Variants in KIAA0513 observed in about 807,000 individuals in gnomAD.
The protein encoded by KIAA0513 is KIAA0513, also known as uncharacterized protein KIAA0513.
Under a neutral mutation model 56.5 loss-of-function variants are expected in KIAA0513, and 39 were observed. The ratio of observed to expected loss-of-function variants is 0.69; its 90% CI spans 0.53 to 0.90. The LOEUF (loss-of-function observed/expected upper bound fraction) is 0.90, where lower values mean the gene tolerates loss of function less well. KIAA0513 is among the 40% of genes least tolerant of loss of function. KIAA0513 has a pLI of 0.00. For missense variants in KIAA0513, 591 were observed against 535.2 expected, an observed-to-expected ratio of 1.10 and a Z score of -1.03; for synonymous variants, 268 against 215.6, an observed-to-expected ratio of 1.24 and a Z score of -2.13.
chr16:85,040,899 C>G (rs1257313386), intron 1 of KIAA0513, among the ~76,000 whole-genome samples: 2 of 152,196 alleles, frequency 1.3e-5, no homozygotes, highest in East Asian at 3.9e-4. Context: ...ACGCTTGAAG[C>G]AAAACAGCCG....
In KIAA0513 at chr16:85,046,104, C is replaced by T. The variant is rs990085680; in HGVS notation, c.-173+18246C>T. Among the ~76,000 whole-genome samples, 7 of 152,296 alleles carry T rather than the reference C, an allele frequency of 4.6e-5. No homozygotes were observed. In the East Asian group the frequency reaches 7.7e-4, roughly 17 times the overall value. On this transcript the variant is annotated intron_variant, in intron 1 of 12. Transcript: ENST00000683363. ...GCTTTGCACATTGAGGGAGCTGCTT[C>T]GGCCCTTCCCTTGGTCTCTGGCTGT...
At chr16:85,061,919 T>C (rs1055787530) in intron 1 of KIAA0513, among the ~76,000 whole-genome samples, 1 of 152,170 alleles carries the variant, frequency 6.6e-6, no homozygotes, top group African/African-American at 2.4e-5. Context: ...CCCGGCCTCA[T>C]TGGCCTTCCC....
intron 1 of KIAA0513, among the ~76,000 whole-genome samples, chr16:85,059,332 G>T (rs2073371783): frequency 6.6e-6 from 1 of 152,180 alleles, no homozygotes; most frequent in Admixed American, 6.5e-5. Flanking sequence ...GGTGTTCTGG[G>T]GGTGCCCTGG....
intron 8 of KIAA0513, 111 bp downstream of exon 8, chr16:85,079,114 C>A: frequency 1.3e-6 from 2 of 1,572,762 alleles, no homozygotes; most frequent in South Asian, 1.1e-5. Flanking sequence ...AGAATTCTCA[C>A]ACTCACCAGA....
intron 10 of KIAA0513, among the ~76,000 whole-genome samples, chr16:85,083,015 A>C (rs989679044): frequency 6.6e-6 from 1 of 152,214 alleles, no homozygotes; most frequent in Non-Finnish European, 1.5e-5. Flanking sequence ...TTCACACTGG[A>C]GAAGTGGGTC....
intron 1 of KIAA0513, among the ~76,000 whole-genome samples, chr16:85,033,272 G>A (rs113957754): frequency 8.6e-4 from 131 of 152,276 alleles, no homozygotes; most frequent in African/African-American, 3.1e-3. Context: ...TGATTGCAGA[G>A]CCCACAACAT....
chr16:85,049,062 C>G (rs1049141694), intron 1 of KIAA0513, among the ~76,000 whole-genome samples: 1 of 152,240 alleles, frequency 6.6e-6, no homozygotes, highest in African/African-American at 2.4e-5. Context: ...TGTGAGGTTG[C>G]TTTGCACGGT....
At chr16:85,072,801 C>A (rs2073597431) in intron 3 of KIAA0513, 124 bp from the exon 4 acceptor site, 1 of 917,212 alleles carries the variant, frequency 1.1e-6, no homozygotes, top group Admixed American at 1.9e-5. Flanking sequence ...GCAGAGGCAG[C>A]AGACATCCTG....
In KIAA0513 at chr16:85,092,049, TCTC is replaced by T. The variant is rs2073874130; in HGVS notation, c.*3727_*3729del. The T allele has an allele frequency of 6.6e-6, 1 of 151,636 alleles. No homozygotes were observed. Among genetic ancestry groups the T allele is most frequent in the Non-Finnish European group, 1.5e-5 (1 of 67,986 alleles). The allele number at this position is 151,636 out of a possible 1,614,324, so 9.4% of individuals were successfully genotyped here. ...CCTCCACCTCCCGGGTTCAAGCAATTCTCCTGCCTCAGCCTCCTGAGTAGCTGG... is the reference window on the plus strand; with the variant it reads ...CCTCCACCTCCCGGGTTCAAGCAATTCTGCCTCAGCCTCCTGAGTAGCTGG... On this transcript the variant is annotated 3_prime_UTR_variant, in exon 13 of 13. Coordinates refer to ENST00000683363, the MANE Select transcript of KIAA0513 (RefSeq NM_001388359.1).
In KIAA0513 at chr16:85,077,604, C is replaced by T. The variant is rs1469921145; in HGVS notation, c.754C>T (p.Leu252=). 13 of 1,613,226 alleles carry T rather than the reference C, an allele frequency of 8.1e-6. No homozygotes were observed. Among genetic ancestry groups the T allele is most frequent in the East Asian group, 2.2e-5 (1 of 44,864 alleles). ...CTTCTTCGGGGGGCTGGAGACCAAG[C>T]TGAAGGGGCCCCTGGCCAGGAGGAA... The part of the protein sequence containing the change: ...KGFFGGLETK[L]KGPLARRNEE... The change falls in exon 6 of 13, where the codon CTG becomes TTG. Residue 252 remains leucine (L), a synonymous_variant. Transcript: ENST00000683363.
chr16:85,041,538 C>G (rs1215965947), intron 1 of KIAA0513, among the ~76,000 whole-genome samples: 1 of 152,184 alleles, frequency 6.6e-6, no homozygotes, highest in African/African-American at 2.4e-5. Context: ...TAGGATTTAT[C>G]ACAGTTCCAG....
intron 8 of KIAA0513, among the ~76,000 whole-genome samples, chr16:85,080,057 G>C (rs557394126): frequency 1.3e-5 from 2 of 152,316 alleles, no homozygotes; most frequent in Admixed American, 1.3e-4. Context: ...AACCAAGCAA[G>C]GGTTACTTGA....
chr16:85,055,756 C>G (rs921670825), intron 1 of KIAA0513, among the ~76,000 whole-genome samples: 6 of 152,210 alleles, frequency 3.9e-5, no homozygotes, highest in African/African-American at 7.2e-5. Flanking sequence ...TCTCACCTCT[C>G]CCCCAGCCTG....
At chr16:85,056,675 C>G (rs1197548002) in intron 1 of KIAA0513, among the ~76,000 whole-genome samples, 1 of 152,188 alleles carries the variant, frequency 6.6e-6, no homozygotes, top group South Asian at 2.1e-4. Context: ...CTGGCCCCCT[C>G]TGCTCAATTG....
chr16:85,065,777 C>T (rs946028252), intron 1 of KIAA0513, among the ~76,000 whole-genome samples: 2 of 152,172 alleles, frequency 1.3e-5, no homozygotes, highest in African/African-American at 4.8e-5. Flanking sequence ...CGTCTCCTTC[C>T]CGCCTAGCTG....
intron 1 of KIAA0513, among the ~76,000 whole-genome samples, chr16:85,062,024 C>T (rs1047957628): frequency 6.6e-6 from 1 of 152,152 alleles, no homozygotes; most frequent in African/African-American, 2.4e-5. Context: ...TGCTGGTTCT[C>T]CCTCTTTCCA....
At chr16:85,055,496 T>C (rs1025635941) in intron 1 of KIAA0513, among the ~76,000 whole-genome samples, 1 of 152,254 alleles carries the variant, frequency 6.6e-6, no homozygotes, top group African/African-American at 2.4e-5. Context: ...TAAAACTCAG[T>C]GTACTGTTCT....
chr16:85,086,607 A>C (rs374370944), intron 10 of KIAA0513, 37 bp from the exon 11 acceptor site: 2 of 1,595,258 alleles, frequency 1.3e-6, no homozygotes, highest in African/African-American at 2.7e-5. Context: ...GGACAGCACC[A>C]TCTGAGCCCC....
In KIAA0513 at chr16:85,086,677, C is replaced by G; in HGVS notation, c.1044C>G (p.Arg348=). ...GGTGCCACATGACCCAGGAGGAGCG[C>G]GACGACAGCCTCCGGTTCAACGAGA... is the stretch of plus-strand genomic sequence containing the variant. ...EKWCHMTQEE[R]DDSLRFNENI... Residue 348 remains arginine (R), a synonymous_variant, in exon 11 of 13, where the codon CGC becomes CGG. Coordinates refer to ENST00000683363, the MANE Select transcript of KIAA0513 (RefSeq NM_001388359.1). 6.2e-7 allele frequency: 1 copy of G among 1,613,840 alleles called. No homozygotes were observed. The highest frequency in any genetic ancestry group is 8.5e-7 in the Non-Finnish European group (1 of 1,180,010).
Sources: allele counts gnomAD v4.1 joint callset (sites outside exome capture counted in the v4.1 genomes callset), GRCh38; gene constraint gnomAD v4.1.1; transcripts MANE v1.5; gene names NCBI Gene and HGNC (gene_info 2026-07-23, HGNC 2026-07-21).